Variants in PRR5 observed in about 807,000 individuals in gnomAD.
PRR5 encodes proline-rich protein 5.
A neutral mutation model predicts 30.6 loss-of-function variants in PRR5; 25 were observed. The ratio of observed to expected loss-of-function variants is 0.82; its 90% CI spans 0.60 to 1.14. The LOEUF is 1.14. Ranked by LOEUF, PRR5 falls within the 50% of genes most tolerant of loss-of-function variation. The pLI, the probability that PRR5 is intolerant of heterozygous loss-of-function variation, is 0.00. For synonymous variants in PRR5, 286 were observed against 247.1 expected (o/e 1.16, Z -1.48); for missense variants, 600 against 547.1 (o/e 1.10, Z -0.96).
At chr22:44,681,592 GA>G (rs71744414) in intron 1 of PRR5, among the ~76,000 whole-genome samples, 31,163 of 129,414 alleles carry the variant, frequency 0.24, 6,353 homozygotes, top group African/African-American at 0.56. Flanking sequence ...TTGTCTCAAA[GA>G]AAAAAAAAAA....
Position 44,735,117 on chromosome 22 carries a change from G to T in PRR5, c.646G>T (p.Gly216Cys), listed in dbSNP as rs147509749. The change falls in exon 7 of 8, where the codon GGC (glycine) becomes TGC (cysteine). Residue 216 changes from glycine (G) to cysteine (C), a missense_variant. Coordinates refer to ENST00000336985, the MANE Select transcript of PRR5 (RefSeq NM_181333.4). ...KVVSPYLGTY[G>C]LHSSEGPFTH... ...GGTGTCGCCATACCTGGGCACCTAC[G>T]GCCTCCACTCCAGCGAGGGGCCCTT... 1 of 1,612,982 alleles carries T rather than the reference G, an allele frequency of 6.2e-7. No homozygotes were observed. Among genetic ancestry groups the T allele is most frequent in the African/African-American group, 1.3e-5 (1 of 75,022 alleles).
intron 7 of PRR5, 137 bp downstream of exon 7, chr22:44,735,299 C>CCAG: frequency 7.8e-7 from 1 of 1,286,898 alleles, no homozygotes; most frequent in Non-Finnish European, 1.0e-6. Context: ...GCAGCAGCCC[C>CCAG]CAGCCTGCCA....
upstream of PRR5, among the ~76,000 whole-genome samples, chr22:44,674,759 A>G (rs543025598): frequency 6.6e-6 from 1 of 152,044 alleles, no homozygotes; most frequent in Admixed American, 6.5e-5. Context: ...AGCCTGGCCA[A>G]CATGGTGAAA....
intron 6 of PRR5, among the ~76,000 whole-genome samples, chr22:44,732,672 C>T (rs144092343): frequency 1.1e-4 from 16 of 152,262 alleles, no homozygotes; most frequent in African/African-American, 3.4e-4. Context: ...AGCACGCACA[C>T]GCACATACAC....
chr22:44,732,379 G>A lies in PRR5; in HGVS notation c.543G>A (p.Leu181=), dbSNP rs749106643. The A allele has an allele frequency of 1.2e-6, 2 of 1,609,216 alleles. No homozygotes were observed. The highest frequency in any genetic ancestry group is 1.1e-5 in the South Asian group (1 of 90,990). ...TGCCCCCTGCCATCGTGCAGATGCT[G>A]CTGGTGCTGCAGGTGGGCACAGTGG... The part of the protein sequence containing the change: ...ARVPPAIVQM[L]LVLQGVHESR... The change falls in exon 6 of 8, where the codon CTG becomes CTA. Residue 181 remains leucine (L), a synonymous_variant. Coordinates refer to ENST00000336985, the MANE Select transcript of PRR5 (RefSeq NM_181333.4).
chr22:44,692,262 G>A lies in PRR5; in HGVS notation c.-10-10230G>A, dbSNP rs375809640. On this transcript the variant is annotated intron_variant, in intron 1 of 8. Coordinates refer to the PRR5 transcript ENST00000006251. The stretch of plus-strand genomic sequence containing the variant: ...TCCTCCACCCAGGGCTCCTCCTCCC[G>A]GGGCTCCTCCTCCCACGCTCCTCCA... Among the ~76,000 whole-genome samples the A allele has an allele frequency of 4.1e-4, 48 of 115,946 alleles. 1 individual carries two copies. In the South Asian group the frequency reaches 4.3e-3, roughly 10 times the overall value. The allele number at this position is 115,946 out of a possible 152,430, so 76.1% of individuals were successfully genotyped here.
At chr22:44,686,390 G>T (rs1220437602) in intron 1 of PRR5, among the ~76,000 whole-genome samples, 1 of 152,178 alleles carries the variant, frequency 6.6e-6, no homozygotes, top group Non-Finnish European at 1.5e-5. Context: ...AGGCTGGGGT[G>T]CAGTGGCATT....
intron 1 of PRR5, among the ~76,000 whole-genome samples, chr22:44,690,036 G>A (rs763709855): frequency 3.9e-5 from 6 of 152,168 alleles, no homozygotes; most frequent in East Asian, 1.9e-4. Context: ...GGGGCAGCAC[G>A]GGTCTGACAG....
intron 1 of PRR5, among the ~76,000 whole-genome samples, chr22:44,690,030 C>A (rs186202511): frequency 1.1e-4 from 16 of 152,198 alleles, no homozygotes; most frequent in African/African-American, 3.6e-4. Flanking sequence ...AGGGAGGGGG[C>A]AGCACGGGTC....
At chr22:44,720,776 G>A (rs1929810953) in intron 2 of PRR5, among the ~76,000 whole-genome samples, 1 of 152,180 alleles carries the variant, frequency 6.6e-6, no homozygotes, top group Admixed American at 6.5e-5. Context: ...GGGATGCTCA[G>A]CCAGTGATGC....
At chr22:44,730,825 T>G (rs1345956625) in intron 4 of PRR5, 4 of 435,884 alleles carry the variant, frequency 9.2e-6, no homozygotes, top group Non-Finnish European at 1.7e-5. Context: ...TCTGGGCCAC[T>G]GACTGTGGTG....
In PRR5 at chr22:44,712,106, C is replaced by G. The variant is rs190580296; in HGVS notation, c.135-2485C>G. Among the ~76,000 whole-genome samples the G allele has an allele frequency of 1.6e-3, 248 of 152,266 alleles. 4 individuals are homozygous for G. In the South Asian group the frequency reaches 0.022, roughly 13 times the overall value. ...AGGGGATGACCAGCCACCAGCCTCT[C>G]CCCTGGGCTGGCTCATCCTTCAAAC... On this transcript the variant is annotated intron_variant, in intron 1 of 7. Coordinates refer to ENST00000336985, the MANE Select transcript of PRR5 (RefSeq NM_181333.4).
chr22:44,688,956 C>G (rs968362612), intron 1 of PRR5, among the ~76,000 whole-genome samples: 5 of 152,136 alleles, frequency 3.3e-5, no homozygotes, highest in African/African-American at 9.7e-5. Context: ...CCACCGCACT[C>G]CAGCTATTAC....
chr22:44,668,855 G>A (rs1923241070), intron 1 of PRR5: 3 of 149,556 alleles, frequency 2.0e-5, no homozygotes, highest in Admixed American at 1.3e-4. Context: ...GGGACCGGGT[G>A]GCTGGGGTTG....
At chr22:44,712,491 G>A (rs1928405539) in intron 1 of PRR5, among the ~76,000 whole-genome samples, 2 of 152,220 alleles carry the variant, frequency 1.3e-5, no homozygotes, top group South Asian at 2.1e-4. Context: ...TCCCGGCTCC[G>A]TGTGGGGACG....
intron 2 of PRR5, among the ~76,000 whole-genome samples, chr22:44,720,208 C>T (rs950057116): frequency 1.3e-5 from 2 of 152,250 alleles, no homozygotes; most frequent in African/African-American, 2.4e-5. Context: ...GTGCCCGCAG[C>T]CTGTCAGCAG....
At chr22:44,692,625 T>A (rs1406225466) in intron 1 of PRR5, among the ~76,000 whole-genome samples, 1 of 152,186 alleles carries the variant, frequency 6.6e-6, no homozygotes, top group Non-Finnish European at 1.5e-5. Context: ...GGCTTCACAT[T>A]GCAGTGTGAA....
At chr22:44,695,244 T>C (rs1321205258) in intron 1 of PRR5, among the ~76,000 whole-genome samples, 2 of 152,152 alleles carry the variant, frequency 1.3e-5, no homozygotes, top group East Asian at 3.9e-4. Flanking sequence ...GAATCAGGCA[T>C]TGCAATGGGA....
chr22:44,716,610 G>T (rs1333285618), intron 2 of PRR5, among the ~76,000 whole-genome samples: 1 of 152,212 alleles, frequency 6.6e-6, no homozygotes, highest in Non-Finnish European at 1.5e-5. Context: ...CATTTTACAG[G>T]TGAGGAGACT....
Sources: allele counts gnomAD v4.1 joint callset (sites outside exome capture counted in the v4.1 genomes callset), GRCh38; gene constraint gnomAD v4.1.1; transcripts MANE v1.5; gene names NCBI Gene and HGNC (gene_info 2026-07-23, HGNC 2026-07-21).